Variants in CPAP observed in about 807,000 individuals in gnomAD.
The protein encoded by CPAP is centrosome assembly and centriole elongation protein.
the CPAP span, chr13:24,926,007 CTT>C: frequency 2.5e-4 from 38 of 152,590 alleles, no homozygotes; most frequent in African/African-American, 8.9e-4. Context: ...CCTGCTCACT[CTT>C]TGGCCGCTAG....
At chr13:24,906,497 C>T in the CPAP span, 2 of 1,614,234 alleles carry the variant, frequency 1.2e-6, no homozygotes, top group Non-Finnish European at 1.7e-6. Context: ...CCACCCTGTG[C>T]AGCCAGTATC....
the CPAP span, chr13:24,889,538 C>A: frequency 1.5e-6 from 1 of 666,798 alleles, no homozygotes; most frequent in East Asian, 2.7e-5. Flanking sequence ...ATACAACAGG[C>A]CAAAGCAAAC....
At chr13:24,905,963 C>T in the CPAP span, 64 of 1,614,034 alleles carry the variant, frequency 4.0e-5, no homozygotes, top group South Asian at 4.4e-4. Flanking sequence ...TTCATCGTCA[C>T]GTGCATTCCA....
the CPAP span, chr13:24,909,938 A>G: frequency 1.9e-6 from 3 of 1,614,070 alleles, no homozygotes; most frequent in South Asian, 2.2e-5. Flanking sequence ...TGCTTTGCTC[A>G]TGGGATAAAA....
At chr13:24,911,024 T>C in the CPAP span, among the ~76,000 whole-genome samples, 1 of 152,328 alleles carries the variant, frequency 6.6e-6, no homozygotes, top group East Asian at 1.9e-4. Context: ...GGTGCTTTCC[T>C]GGGTCAGTAA....
At chr13:24,909,545 CAG>C in the CPAP span, among the ~76,000 whole-genome samples, 1 of 150,424 alleles carries the variant, frequency 6.6e-6, no homozygotes, top group Non-Finnish European at 1.5e-5. Context: ...AAACACGCCA[CAG>C]GGGACAAAAA....
At chr13:24,924,645 T>G in the CPAP span, 5 of 152,372 alleles carry the variant, frequency 3.3e-5, no homozygotes, top group Non-Finnish European at 7.3e-5. Context: ...CATCTTCAGA[T>G]GGTGCTGTAG....
chr13:24,884,219 G>A, the CPAP span: 3 of 1,614,162 alleles, frequency 1.9e-6, no homozygotes, highest in Non-Finnish European at 8.5e-7. Flanking sequence ...TCGTGTGAGT[G>A]GTCTGGGCAG....
At chr13:24,917,710 C>G in the CPAP span, among the ~76,000 whole-genome samples, 2 of 152,138 alleles carry the variant, frequency 1.3e-5, no homozygotes. Context: ...CCATTTTCTG[C>G]TGCTATAAAG....
chr13:24,915,779 A>C, the CPAP span, among the ~76,000 whole-genome samples: 1 of 152,204 alleles, frequency 6.6e-6, no homozygotes, highest in East Asian at 1.9e-4. Flanking sequence ...AGCCTGGGCA[A>C]CAAGTGCAAG....
the CPAP span, chr13:24,884,587 CCTTT>C: frequency 1.1e-6 from 1 of 948,304 alleles, no homozygotes; most frequent in Non-Finnish European, 1.7e-6. Flanking sequence ...CTCAAAAGAT[CCTTT>C]ATTTCGTGAG....
chr13:24,892,886 A>G, the CPAP span: 1 of 1,431,464 alleles, frequency 7.0e-7, no homozygotes, highest in Non-Finnish European at 9.6e-7. Flanking sequence ...AAAAAAAAAC[A>G]AAAAGAAAAA....
At chr13:24,932,121 A>G in the CPAP span, among the ~76,000 whole-genome samples, 49 of 152,120 alleles carry the variant, frequency 3.2e-4, no homozygotes, top group Admixed American at 3.1e-3. Context: ...CCCCAAACTA[A>G]CACTGAACCC....
chr13:24,920,906 C>T, the CPAP span, among the ~76,000 whole-genome samples: 1 of 151,876 alleles, frequency 6.6e-6, no homozygotes, highest in Non-Finnish European at 1.5e-5. Context: ...GGATTACAGG[C>T]ATGAGCCACC....
At chr13:24,907,910 A>G in the CPAP span, 4 of 844,262 alleles carry the variant, frequency 4.7e-6, no homozygotes, top group East Asian at 5.1e-5. Flanking sequence ...AGCATAGTCA[A>G]GCAAAAACCA....
the CPAP span, among the ~76,000 whole-genome samples, chr13:24,905,129 TAGA>T: frequency 2.0e-5 from 3 of 152,326 alleles, no homozygotes; most frequent in Admixed American, 2.0e-4. Context: ...AAAGGAAACG[TAGA>T]AGCTTTGATG....
At chr13:24,906,865 C>T in the CPAP span, 34 of 1,614,194 alleles carry the variant, frequency 2.1e-5, no homozygotes, top group Admixed American at 3.0e-4. Context: ...CTTTTTGAAA[C>T]TTAGATTTGG....
chr13:24,913,332 T>C, the CPAP span, among the ~76,000 whole-genome samples: 1 of 152,130 alleles, frequency 6.6e-6, no homozygotes, highest in Non-Finnish European at 1.5e-5. Flanking sequence ...AATGATTTTA[T>C]ACAAGTGCTA....
chr13:24,907,897 A>G, the CPAP span: 1 of 744,988 alleles, frequency 1.3e-6, no homozygotes, highest in Non-Finnish European at 2.3e-6. Context: ...CTTTAACCTT[A>G]AAAGCATAGT....
Sources: gnomAD v4.1 joint callset for allele counts (sites outside exome capture counted in the v4.1 genomes callset) on GRCh38, gnomAD v4.1.1 for gene constraint, MANE v1.5 for transcripts, NCBI Gene and HGNC (gene_info 2026-07-23, HGNC 2026-07-21) for gene names.